Variants in FOXP2 observed in about 807,000 individuals in gnomAD.
FOXP2 encodes the protein forkhead box P2.
In FOXP2, 12 loss-of-function variants were observed where a neutral mutation model predicts 115.8. The observed-to-expected ratio is 0.10, with a 90% CI of 0.07 to 0.17. FOXP2 has a LOEUF of 0.17. Among genes scored for constraint, FOXP2 ranks in the 10% least tolerant of loss-of-function variants. The pLI is 1.00. For missense variants in FOXP2, 629 were observed against 843.5 expected, an observed-to-expected ratio of 0.75 and a Z score of 3.15; for synonymous variants, 328 against 297.7, an observed-to-expected ratio of 1.10 and a Z score of -1.05.
chr7:114,318,726 T>TATATATATATATATATATATATATATAC (rs1417603943), intron 2 of FOXP2, among the ~76,000 whole-genome samples: 2 of 151,086 alleles, frequency 1.3e-5, no homozygotes, highest in African/African-American at 4.9e-5. Context: ...TATATATATA[T>TATATATATATATATATATATATATATAC]ACACACACAC....
chr7:114,196,168 C>T lies in FOXP2; in HGVS notation c.-102+33080C>T, dbSNP rs573076445. On this transcript the variant is annotated intron_variant, in intron 1 of 17. Coordinates refer to the FOXP2 transcript ENST00000634411. ...GCTGGGACTAGGGCGCGCGTCACCACGCCCAGCTAATTTTTGTATTTTTAG... is the reference window on the plus strand; with the variant it reads ...GCTGGGACTAGGGCGCGCGTCACCATGCCCAGCTAATTTTTGTATTTTTAG... Among the ~76,000 whole-genome samples, 5 of 152,080 alleles carry T rather than the reference C, an allele frequency of 3.3e-5. No individual in the cohort carries two copies. The East Asian group carries it at 5.8e-4, about 18-fold the overall frequency.
chr7:114,124,353 A>G (rs1791646897), intron 1 of FOXP2, among the ~76,000 whole-genome samples: 1 of 152,102 alleles, frequency 6.6e-6, no homozygotes, highest in African/African-American at 2.4e-5. Flanking sequence ...AAAACAATGG[A>G]TGTTTATTTT....
intron 3 of FOXP2, among the ~76,000 whole-genome samples, chr7:114,616,182 AGATG>A (rs1203417774): frequency 6.8e-6 from 1 of 147,808 alleles, no homozygotes; most frequent in Non-Finnish European, 1.5e-5. Context: ...TTTTTTTTTG[AGATG>A]GAGCCTAGCT....
At chr7:114,249,274 G>C (rs556532352) in intron 1 of FOXP2, among the ~76,000 whole-genome samples, 2 of 152,126 alleles carry the variant, frequency 1.3e-5, no homozygotes, top group Admixed American at 1.3e-4. Flanking sequence ...ATAGGTAAAC[G>C]TGTGCCATGG....
At chr7:114,409,854 A>G (rs1378375497), upstream of FOXP2, among the ~76,000 whole-genome samples, 1 of 152,076 alleles carries the variant, frequency 6.6e-6, no homozygotes, top group Non-Finnish European at 1.5e-5. Flanking sequence ...CCTGTTGCCC[A>G]TGGAATACAA....
chr7:114,238,750 C>T lies in FOXP2; in HGVS notation c.-101-49269C>T, dbSNP rs1034497464. ...TCATGCCACTGCACTCCAGCCTGGG[C>T]GACAGAGCTAGACTCTATCTGGGAA... is the stretch of plus-strand genomic sequence containing the variant. On this transcript the variant is annotated intron_variant, in intron 1 of 17. Coordinates refer to the FOXP2 transcript ENST00000634411. Among the ~76,000 whole-genome samples, 8 of 150,112 alleles carry T rather than the reference C, an allele frequency of 5.3e-5. No homozygotes were observed. In the East Asian group the frequency reaches 6.0e-4, roughly 11 times the overall value.
chr7:114,577,004 G>A (rs2129299087), intron 3 of FOXP2, among the ~76,000 whole-genome samples: 1 of 151,846 alleles, frequency 6.6e-6, no homozygotes, highest in Non-Finnish European at 1.5e-5. Flanking sequence ...GTGTGCATGT[G>A]TCTTTATTCA....
At chr7:114,369,707 A>G (rs966075742) in intron 2 of FOXP2, among the ~76,000 whole-genome samples, 4 of 152,174 alleles carry the variant, frequency 2.6e-5, no homozygotes, top group Non-Finnish European at 4.4e-5. Context: ...GATATGTAGA[A>G]ATTTTGAATC....
At chr7:114,381,083 T>C (rs1468570857) in intron 2 of FOXP2, among the ~76,000 whole-genome samples, 1 of 152,210 alleles carries the variant, frequency 6.6e-6, no homozygotes, top group Non-Finnish European at 1.5e-5. Context: ...CTTTAATTAG[T>C]GTATATAATG....
At chr7:114,639,094 C>G (rs536086971) in intron 6 of FOXP2, among the ~76,000 whole-genome samples, 2 of 152,058 alleles carry the variant, frequency 1.3e-5, no homozygotes, top group Admixed American at 1.3e-4. Context: ...TAATAAAATC[C>G]AAAAACTGAG....
At chr7:114,273,356 G>A (rs564354162) in intron 1 of FOXP2, among the ~76,000 whole-genome samples, 5 of 152,086 alleles carry the variant, frequency 3.3e-5, no homozygotes, top group Admixed American at 3.3e-4. Context: ...TTTTATGACT[G>A]TGAATGTAGT....
chr7:114,248,756 C>T (rs952394090), intron 1 of FOXP2, among the ~76,000 whole-genome samples: 8 of 152,138 alleles, frequency 5.3e-5, no homozygotes, highest in African/African-American at 1.9e-4. Context: ...GTTAATGTAA[C>T]ACTTATTTTG....
intron 1 of FOXP2, among the ~76,000 whole-genome samples, chr7:114,233,197 G>A (rs140910487): frequency 2.6e-5 from 4 of 152,152 alleles, no homozygotes; most frequent in Non-Finnish European, 5.9e-5. Context: ...AGAAATGCCT[G>A]GTAATTTCTC....
intron 3 of FOXP2, among the ~76,000 whole-genome samples, chr7:114,560,806 T>A (rs1800723780): frequency 6.6e-6 from 1 of 152,232 alleles, no homozygotes; most frequent in Admixed American, 6.5e-5. Context: ...ATTTTGACAG[T>A]ATGATTATTG....
intron 2 of FOXP2, among the ~76,000 whole-genome samples, chr7:114,532,277 T>C (rs146694286): frequency 6.5e-4 from 99 of 152,014 alleles, no homozygotes; most frequent in Non-Finnish European, 7.1e-4. Flanking sequence ...GTATATATTG[T>C]GTGATAGTTG....
At chr7:114,292,764 T>A (rs1173122030) in intron 2 of FOXP2, among the ~76,000 whole-genome samples, 1 of 152,202 alleles carries the variant, frequency 6.6e-6, no homozygotes. Context: ...CTGCTATCCA[T>A]AGAGATCACA....
chr7:114,635,302 G>C (rs1415420959), intron 6 of FOXP2, among the ~76,000 whole-genome samples: 1 of 152,062 alleles, frequency 6.6e-6, no homozygotes, highest in African/African-American at 2.4e-5. Flanking sequence ...CAATGATCTT[G>C]TGATTGCATA....
At position 114,663,441 on chromosome 7, in the gene FOXP2, T is replaced by G; in HGVS notation, c.1770-9T>G. ...CGTATAAATGATCTTTATATATTTT[T>G]TTTTTCAGAAGTCCAACCTTAGTAA... On this transcript the variant is annotated splice_polypyrimidine_tract_variant and intron_variant, in intron 14 of 16. Transcript: ENST00000350908. 6.3e-7 allele frequency: 1 copy of G among 1,582,998 alleles called. No individual in the cohort carries two copies. The highest frequency in any genetic ancestry group is 8.7e-7 in the Non-Finnish European group (1 of 1,153,504).
intron 2 of FOXP2, among the ~76,000 whole-genome samples, chr7:114,288,553 A>G (rs914772301): frequency 1.3e-5 from 2 of 151,780 alleles, no homozygotes; most frequent in African/African-American, 4.8e-5. Context: ...AGAATAATAT[A>G]CCAGTAATGA....
Sources: allele counts gnomAD v4.1 joint callset (sites outside exome capture counted in the v4.1 genomes callset), GRCh38; gene constraint gnomAD v4.1.1; transcripts MANE v1.5; gene names NCBI Gene and HGNC (gene_info 2026-07-23, HGNC 2026-07-21).